Variants in TNIK observed in about 807,000 individuals in gnomAD.
The protein encoded by TNIK is TRAF2 and NCK interacting kinase.
A neutral mutation model predicts 191.3 loss-of-function variants in TNIK; 49 were observed. The ratio of observed to expected loss-of-function variants is 0.26; its 90% CI spans 0.20 to 0.32. The LOEUF is 0.32. Among genes scored for constraint, TNIK ranks in the 10% least tolerant of loss-of-function variants. The pLI is 1.00. For missense variants in TNIK, 1,155 were observed against 1,702.3 expected (o/e 0.68, Z 5.66); for synonymous variants, 594 against 600.9 (o/e 0.99, Z 0.17).
chr3:171,089,501 C>T (rs921790029), intron 23 of TNIK, among the ~76,000 whole-genome samples: 1 of 152,070 alleles, frequency 6.6e-6, no homozygotes, highest in Non-Finnish European at 1.5e-5. Flanking sequence ...TTTCTCAAGC[C>T]AAAAACTGAT....
At chr3:171,356,464 A>G (rs915361246) in intron 2 of TNIK, among the ~76,000 whole-genome samples, 1 of 152,244 alleles carries the variant, frequency 6.6e-6, no homozygotes, top group Non-Finnish European at 1.5e-5. Flanking sequence ...TCACCAAGCC[A>G]TGAATCACCT....
intron 18 of TNIK, among the ~76,000 whole-genome samples, chr3:171,119,808 G>T (rs893350819): frequency 2.0e-5 from 3 of 152,112 alleles, no homozygotes; most frequent in Non-Finnish European, 4.4e-5. Context: ...GGGGTTGGGG[G>T]GAGGGAGGAG....
intron 2 of TNIK, among the ~76,000 whole-genome samples, chr3:171,339,650 G>A (rs546897512): frequency 6.6e-5 from 10 of 152,300 alleles, no homozygotes; most frequent in African/African-American, 2.4e-4. Flanking sequence ...CTGATGGCCA[G>A]GCTGCTTCTC....
At chr3:171,414,490 T>C (rs938281964) in intron 1 of TNIK, among the ~76,000 whole-genome samples, 1 of 152,208 alleles carries the variant, frequency 6.6e-6, no homozygotes, top group Admixed American at 6.5e-5. Flanking sequence ...GGATGCATCA[T>C]AGTTTATAAA....
chr3:171,104,172 CAAAG>C (rs1436978084), intron 21 of TNIK, among the ~76,000 whole-genome samples: 3 of 151,954 alleles, frequency 2.0e-5, no homozygotes, highest in African/African-American at 7.2e-5. Flanking sequence ...TACCTGTAGT[CAAAG>C]AAAATTAATC....
intron 1 of TNIK, among the ~76,000 whole-genome samples, chr3:171,408,844 C>T (rs1321582796): frequency 1.3e-5 from 2 of 152,030 alleles, no homozygotes; most frequent in Non-Finnish European, 1.5e-5. Context: ...ATAAAGTATG[C>T]GAAAGCTTTA....
intron 21 of TNIK, among the ~76,000 whole-genome samples, chr3:171,104,535 C>T (rs937667435): frequency 3.4e-5 from 5 of 147,812 alleles, no homozygotes; most frequent in Non-Finnish European, 4.6e-5. Context: ...AAGATAGCTA[C>T]GAGGCTTAAC....
At chr3:171,208,095 C>T (rs1181707695) in intron 4 of TNIK, among the ~76,000 whole-genome samples, 1 of 152,038 alleles carries the variant, frequency 6.6e-6, no homozygotes, top group Non-Finnish European at 1.5e-5. Flanking sequence ...CTTTGGGAGG[C>T]CAAGGCAGGA....
intron 9 of TNIK, among the ~76,000 whole-genome samples, chr3:171,167,706 GAAT>G (rs1451320093): frequency 2.6e-5 from 4 of 152,118 alleles, no homozygotes; most frequent in Admixed American, 2.0e-4. Flanking sequence ...GCTAGGATGA[GAAT>G]AATGTATGTT....
intron 2 of TNIK, among the ~76,000 whole-genome samples, chr3:171,317,490 T>G (rs367844835): frequency 3.8e-4 from 58 of 152,272 alleles, no homozygotes; most frequent in African/African-American, 1.3e-3. Context: ...ATAATGCAAC[T>G]ATTCTTAGGA....
intron 1 of TNIK, among the ~76,000 whole-genome samples, chr3:171,373,186 G>A (rs1010513068): frequency 1.3e-5 from 2 of 152,092 alleles, no homozygotes; most frequent in African/African-American, 4.8e-5. Flanking sequence ...TTCCCCAAAA[G>A]GTCACCATGA....
chr3:171,406,950 G>A (rs2108591759), intron 1 of TNIK, among the ~76,000 whole-genome samples: 1 of 152,360 alleles, frequency 6.6e-6, no homozygotes, highest in East Asian at 1.9e-4. Flanking sequence ...AAGAAAGAAG[G>A]GAAGAATAGG....
At chr3:171,197,573 C>A (rs561769692) in intron 4 of TNIK, among the ~76,000 whole-genome samples, 2 of 151,930 alleles carry the variant, frequency 1.3e-5, no homozygotes, top group African/African-American at 2.4e-5. Flanking sequence ...GACAAGCAAC[C>A]CAATTTAAAA....
intron 2 of TNIK, among the ~76,000 whole-genome samples, chr3:171,321,020 G>C (rs1306010347): frequency 1.3e-5 from 2 of 152,206 alleles, no homozygotes; most frequent in African/African-American, 2.4e-5. Flanking sequence ...CAGTAGCTCA[G>C]AGGCTGTGAC....
intron 2 of TNIK, among the ~76,000 whole-genome samples, chr3:171,230,836 C>T (rs532991675): frequency 1.3e-5 from 2 of 152,102 alleles, no homozygotes; most frequent in Non-Finnish European, 2.9e-5. Flanking sequence ...GTCTTCCTTC[C>T]TCTCTCCCTT....
rs994906563 is a variant in TNIK at position 171,084,946 on chromosome 3, T to A, written c.2998+172A>T. Among the ~76,000 whole-genome samples the A allele has an allele frequency of 3.3e-5, 5 of 152,142 alleles. No homozygotes were observed. In the East Asian group the frequency reaches 9.6e-4, roughly 29 times the overall value. On this transcript the variant is annotated intron_variant, in intron 25 of 32. Coordinates refer to ENST00000436636, the MANE Select transcript of TNIK (RefSeq NM_015028.4). ...AGATGGGAAAAAAAATGGAAAGTAA[T>A]ACATTTGTTTTAGGAGTCCTACAGA...
At chr3:171,103,222 ATC>A (rs1402021763) in intron 21 of TNIK, among the ~76,000 whole-genome samples, 1 of 152,040 alleles carries the variant, frequency 6.6e-6, no homozygotes, top group African/African-American at 2.4e-5. Context: ...ACATGCCTCA[ATC>A]TCGGTGAATG....
intron 2 of TNIK, among the ~76,000 whole-genome samples, chr3:171,337,665 C>T (rs1404053188): frequency 6.6e-6 from 1 of 152,212 alleles, no homozygotes; most frequent in Non-Finnish European, 1.5e-5. Context: ...TCTGTGATCA[C>T]ACCTTTCCTA....
chr3:171,263,933 C>G (rs569229075), intron 2 of TNIK, among the ~76,000 whole-genome samples: 1 of 151,822 alleles, frequency 6.6e-6, no homozygotes, highest in African/African-American at 2.4e-5. Context: ...GGGTGTGAGG[C>G]AGGGAGCTGT....
Sources: gnomAD v4.1 joint callset for allele counts (sites outside exome capture counted in the v4.1 genomes callset) on GRCh38, gnomAD v4.1.1 for gene constraint, MANE v1.5 for transcripts, NCBI Gene and HGNC (gene_info 2026-07-23, HGNC 2026-07-21) for gene names.